DNAH12: variants seen among roughly 807,000 people sequenced by gnomAD.
DNAH12 encodes axonemal beta dynein heavy chain 12.
In DNAH12, 285 loss-of-function variants were observed where a neutral mutation model predicts 371.5. That is an observed-to-expected ratio of 0.77 (90% CI 0.70 to 0.85). The LOEUF (loss-of-function observed/expected upper bound fraction) is 0.85, where lower values mean the gene tolerates loss of function less well. Ranked by LOEUF, DNAH12 falls within the 40% of genes least tolerant of loss-of-function variation. The pLI, the probability that DNAH12 is intolerant of heterozygous loss-of-function variation, is 0.00. For synonymous variants in DNAH12, 1,200 were observed against 1,213.0 expected (o/e 0.99, Z 0.22); for missense variants, 3,611 against 3,689.4 (o/e 0.98, Z 0.55).
chr3:57,503,900 A>G, intron 9 of DNAH12, 116 bp downstream of exon 9: 10 of 850,824 alleles, frequency 1.2e-5, no homozygotes, highest in Non-Finnish European at 1.7e-5. Context: ...CTAATTTGAA[A>G]TAATTGGGGG....
chr3:57,512,979 A>C (rs1026104212), intron 4 of DNAH12, among the ~76,000 whole-genome samples: 1 of 152,134 alleles, frequency 6.6e-6, no homozygotes, highest in Non-Finnish European at 1.5e-5. Context: ...TCTACTAAAA[A>C]TACAAAAAAA....
At chr3:57,534,994 AG>A (rs1383609407) in intron 2 of DNAH12, among the ~76,000 whole-genome samples, 1 of 152,172 alleles carries the variant, frequency 6.6e-6, no homozygotes, top group Non-Finnish European at 1.5e-5. Context: ...CATAGGCTTA[AG>A]ATCTTTATAT....
chr3:57,303,009 A>AT (rs1395412197), intron 69 of DNAH12, among the ~76,000 whole-genome samples: 3 of 152,066 alleles, frequency 2.0e-5, no homozygotes, highest in Non-Finnish European at 2.9e-5. Context: ...AACCAGTAAT[A>AT]ACAGATCTCT....
intron 4 of DNAH12, among the ~76,000 whole-genome samples, chr3:57,518,351 C>A (rs1488203672): frequency 1.3e-5 from 2 of 151,984 alleles, no homozygotes; most frequent in East Asian, 3.9e-4. Flanking sequence ...ATGGTGAAAC[C>A]CTGTCTCTAC....
intron 12 of DNAH12, 126 bp from the exon 13 acceptor site, chr3:57,483,637 T>G: frequency 9.0e-7 from 1 of 1,107,190 alleles, no homozygotes; most frequent in African/African-American, 1.6e-5. Context: ...CTTGATTCAC[T>G]AAGGTATCTT....
chr3:57,306,434 C>G (rs1007628890), intron 69 of DNAH12, among the ~76,000 whole-genome samples: 1 of 152,118 alleles, frequency 6.6e-6, no homozygotes, highest in African/African-American at 2.4e-5. Context: ...CTGCCCAGTT[C>G]CCTTATTAGG....
chr3:57,530,884 C>A, intron 2 of DNAH12: 1 of 158,920 alleles, frequency 6.3e-6, no homozygotes, highest in South Asian at 1.7e-4. Context: ...GCGGGGCACT[C>A]CAGCTCATAC....
intron 67 of DNAH12, 81 bp downstream of exon 67, chr3:57,310,636 T>A: frequency 2.1e-6 from 2 of 935,474 alleles, no homozygotes; most frequent in Non-Finnish European, 3.3e-6. Context: ...TCTAAACCTA[T>A]ACATTAGAGA....
rs1435319118 is a variant in DNAH12, at chr3:57,483,478, A to C, written c.1548T>G (p.His516Gln). Residue 516 changes from histidine to glutamine, a missense_variant, in exon 13 of 74, where the codon CAT becomes CAG. Transcript: ENST00000495027. ...ICSEFEAIKE[H>Q]ALKVPETTEE... Reference sequence around the variant, plus strand: ...CTGTTGTTTCAGGGACTTTTAATGCATGTTCTTTAATTGCTTCAAATTCAC... The same window carrying C: ...CTGTTGTTTCAGGGACTTTTAATGCCTGTTCTTTAATTGCTTCAAATTCAC... 6.4e-7 allele frequency: 1 copy of C among 1,550,914 alleles called. No homozygotes were observed. Among genetic ancestry groups the C allele is most frequent in the African/African-American group, 1.4e-5 (1 of 73,006 alleles).
intron 60 of DNAH12, among the ~76,000 whole-genome samples, chr3:57,350,472 C>A (rs563637502): frequency 6.6e-6 from 1 of 152,218 alleles, no homozygotes; most frequent in East Asian, 1.9e-4. Flanking sequence ...AAGTGGAGAG[C>A]TGCATGGTAA....
chr3:57,543,325 T>G lies in DNAH12; in HGVS notation c.-33-422A>C, dbSNP rs886259137. 8.6e-5 allele frequency among the ~76,000 whole-genome samples: 12 copies of G among 138,774 alleles called. No individual in the cohort carries two copies. In the South Asian group the frequency reaches 3.0e-3, roughly 34 times the overall value. 91.0% of individuals were successfully genotyped at this position (138,774 alleles called of 152,430 possible). Reference sequence around the variant, plus strand: ...TTAACATCATTAATGGTTTTTTTTTTTTTTTTTTTTTTTTTGAGACAGATT... The same window carrying G: ...TTAACATCATTAATGGTTTTTTTTTGTTTTTTTTTTTTTTTGAGACAGATT... On this transcript the variant is annotated intron_variant, in intron 1 of 73. Transcript: ENST00000495027.
At chr3:57,422,209 G>T (rs2064609640) in intron 35 of DNAH12, among the ~76,000 whole-genome samples, 1 of 150,438 alleles carries the variant, frequency 6.6e-6, no homozygotes. Flanking sequence ...TACCGTGCCT[G>T]GCCCAATATC....
At chr3:57,509,276 T>G in intron 5 of DNAH12, 64 bp from the exon 6 acceptor site, 2 of 1,481,398 alleles carry the variant, frequency 1.4e-6, no homozygotes, top group South Asian at 2.4e-5. Context: ...ATATCAAAGT[T>G]TCTAACTTTT....
intron 62 of DNAH12, among the ~76,000 whole-genome samples, chr3:57,325,412 C>A (rs2061919331): frequency 6.6e-6 from 1 of 152,224 alleles, no homozygotes. Context: ...ATTCGTGGTT[C>A]ACGAAAAACC....
chr3:57,405,863 C>T lies in DNAH12; in HGVS notation c.6366G>A (p.Arg2122=). The T allele has an allele frequency of 6.4e-7, 1 of 1,551,348 alleles. No homozygotes were observed. Among genetic ancestry groups the T allele is most frequent in the Non-Finnish European group, 8.7e-7 (1 of 1,146,834 alleles). Residue 2122 remains arginine, a synonymous_variant, in exon 41 of 74, where the codon CGG becomes CGA. Coordinates refer to ENST00000495027, the MANE Select transcript of DNAH12 (RefSeq NM_001366028.2). ...CGTCTCTTTCAATGAGTAAACAGCC[C>T]CGGATGACGCGTGAAAAATCACGCA... ...FNLRDFSRVI[R]GCLLIERDAV... is the part of the protein sequence containing the mutation.
chr3:57,419,544 T>G, intron 36 of DNAH12, 26 bp from the exon 37 acceptor site: 2 of 1,401,282 alleles, frequency 1.4e-6, no homozygotes, highest in Non-Finnish European at 1.9e-6. Flanking sequence ...AGTTTTAAAA[T>G]ATTAAAACCA....
At chr3:57,431,651 T>C (rs969261606) in intron 32 of DNAH12, among the ~76,000 whole-genome samples, 1 of 152,180 alleles carries the variant, frequency 6.6e-6, no homozygotes, top group Non-Finnish European at 1.5e-5. Context: ...AGTCTTACTA[T>C]ATTTCCAGGC....
intron 17 of DNAH12, among the ~76,000 whole-genome samples, chr3:57,463,608 TA>T (rs1303727737): frequency 7.2e-5 from 11 of 152,184 alleles, no homozygotes; most frequent in African/African-American, 2.7e-4. Context: ...TTGTTTTGCT[TA>T]GTTAAGGACT....
chr3:57,413,802 C>T lies in DNAH12; in HGVS notation c.5964G>A (p.Lys1988=), dbSNP rs2064279485. ...IDDMNMPALE[K]YGAQPPIELL... ...ATTCAATAGGTGGTTGAGCTCCATACTTCTCCAATGCAGGCATATTCATAT... is the reference window on the plus strand; with the variant it reads ...ATTCAATAGGTGGTTGAGCTCCATATTTCTCCAATGCAGGCATATTCATAT... The change falls in exon 39 of 74, where the codon AAG becomes AAA. Residue 1988 remains lysine, a synonymous_variant. Coordinates refer to ENST00000495027, the MANE Select transcript of DNAH12 (RefSeq NM_001366028.2). The T allele has an allele frequency of 3.2e-6, 5 of 1,551,266 alleles. No individual in the cohort carries two copies. Among genetic ancestry groups the T allele is most frequent in the Non-Finnish European group, 3.5e-6 (4 of 1,146,782 alleles).
Sources: gnomAD v4.1 joint callset for allele counts (sites outside exome capture counted in the v4.1 genomes callset) on GRCh38, gnomAD v4.1.1 for gene constraint, MANE v1.5 for transcripts, NCBI Gene and HGNC (gene_info 2026-07-23, HGNC 2026-07-21) for gene names.